Variants in PKIA observed in about 807,000 individuals in gnomAD.
The protein encoded by PKIA is PKI-alpha.
PKIA carries 4 observed loss-of-function variants against 7.6 expected under a neutral mutation model. The ratio of observed to expected loss-of-function variants is 0.52; its 90% CI spans 0.26 to 1.20. PKIA has a LOEUF of 1.20. Ranked by LOEUF, PKIA falls within the 50% of genes most tolerant of loss-of-function variation. PKIA has a pLI of 0.13. For synonymous variants in PKIA, 21 were observed against 30.7 expected (o/e 0.68, Z 1.04); for missense variants, 73 against 86.2 (o/e 0.85, Z 0.61).
intron 1 of PKIA, among the ~76,000 whole-genome samples, chr8:78,549,741 A>T (rs1182038582): frequency 6.6e-6 from 1 of 151,784 alleles, no homozygotes. Context: ...AAAAAAAAAA[A>T]AAGTAAGAAT....
At chr8:78,556,987 G>T (rs1403037025) in intron 1 of PKIA, among the ~76,000 whole-genome samples, 5 of 152,030 alleles carry the variant, frequency 3.3e-5, no homozygotes, top group African/African-American at 1.2e-4. Flanking sequence ...CCTACTAATT[G>T]ACTCTCACTA....
At chr8:78,565,571 GCTCCTAAA>G (rs1807388241) in intron 1 of PKIA, among the ~76,000 whole-genome samples, 1 of 151,884 alleles carries the variant, frequency 6.6e-6, no homozygotes, top group Non-Finnish European at 1.5e-5. Context: ...ATAGTTAGAA[GCTCCTAAA>G]TTATTTATTA....
At chr8:78,561,836 C>G (rs904241092) in intron 1 of PKIA, among the ~76,000 whole-genome samples, 1 of 152,172 alleles carries the variant, frequency 6.6e-6, no homozygotes, top group Non-Finnish European at 1.5e-5. Flanking sequence ...GGATAATGCA[C>G]GTTAAGCATT....
intron 2 of PKIA, among the ~76,000 whole-genome samples, 180 bp downstream of exon 2, chr8:78,573,119 C>T (rs1246202996): frequency 1.3e-5 from 2 of 152,032 alleles, no homozygotes; most frequent in African/African-American, 4.8e-5. Context: ...CATACAATAA[C>T]AGCATGATGC....
chr8:78,597,089 T>G (rs1371868349), intron 2 of PKIA, among the ~76,000 whole-genome samples: 1 of 152,200 alleles, frequency 6.6e-6, no homozygotes. Flanking sequence ...CATAGCCTTG[T>G]AGTATAGCTT....
intron 1 of PKIA, among the ~76,000 whole-genome samples, chr8:78,537,778 T>C (rs952600299): frequency 6.6e-6 from 1 of 152,078 alleles, no homozygotes; most frequent in African/African-American, 2.4e-5. Context: ...CTGCAAATTT[T>C]GGTTGCTAGC....
rs1807249425 is a variant in PKIA, at chr8:78,560,115, A to G, written c.-156-12696A>G. Among the ~76,000 whole-genome samples, 3 of 152,190 alleles carry G rather than the reference A, an allele frequency of 2.0e-5. No individual in the cohort carries two copies. In the South Asian group the frequency reaches 6.2e-4, roughly 32 times the overall value. ...GTACACAAATCATTTCCTGATTGCCACATCTGGAACCCTGATTATATTTGC... is the reference window on the plus strand; with the variant it reads ...GTACACAAATCATTTCCTGATTGCCGCATCTGGAACCCTGATTATATTTGC... On this transcript the variant is annotated intron_variant, in intron 1 of 3. Coordinates refer to ENST00000396418, the MANE Select transcript of PKIA (RefSeq NM_006823.4).
intron 1 of PKIA, among the ~76,000 whole-genome samples, chr8:78,566,711 T>C (rs1299166415): frequency 1.3e-5 from 2 of 152,150 alleles, no homozygotes; most frequent in Non-Finnish European, 2.9e-5. Context: ...TAAAATACTT[T>C]AGCTAAAGTT....
chr8:78,579,655 C>A (rs1276523071), intron 2 of PKIA, among the ~76,000 whole-genome samples: 2 of 151,984 alleles, frequency 1.3e-5, no homozygotes, highest in East Asian at 3.9e-4. Flanking sequence ...TAGCAATGAG[C>A]AAGTTTATTA....
At chr8:78,523,883 AATATTTATACATATTT>A (rs1809464533) in intron 1 of PKIA, among the ~76,000 whole-genome samples, 1 of 143,964 alleles carries the variant, frequency 6.9e-6, no homozygotes, top group Non-Finnish European at 1.5e-5. Context: ...TATTTATATA[AATATTTATACATATTT>A]ATATTTATAC....
intron 1 of PKIA, among the ~76,000 whole-genome samples, chr8:78,570,058 A>G (rs912622347): frequency 2.6e-5 from 4 of 152,174 alleles, no homozygotes; most frequent in Admixed American, 2.6e-4. Flanking sequence ...TAAAAAGCTA[A>G]CATCCATATC....
At chr8:78,564,465 C>T (rs1807359283) in intron 1 of PKIA, among the ~76,000 whole-genome samples, 1 of 151,892 alleles carries the variant, frequency 6.6e-6, no homozygotes, top group South Asian at 2.1e-4. Context: ...AGAAATGGAA[C>T]ATGAGGGTCC....
intron 1 of PKIA, among the ~76,000 whole-genome samples, chr8:78,529,215 C>T (rs1259546141): frequency 6.6e-6 from 1 of 152,044 alleles, no homozygotes; most frequent in African/African-American, 2.4e-5. Context: ...CAACCTTTGA[C>T]AATAAAATAT....
intron 1 of PKIA, among the ~76,000 whole-genome samples, chr8:78,541,026 TAA>T (rs1315736254): frequency 3.3e-5 from 5 of 152,248 alleles, no homozygotes; most frequent in African/African-American, 1.2e-4. Flanking sequence ...TACAAAATTT[TAA>T]AACAGTTGTT....
intron 2 of PKIA, among the ~76,000 whole-genome samples, chr8:78,587,249 C>T (rs1807970123): frequency 6.6e-6 from 1 of 152,104 alleles, no homozygotes; most frequent in Admixed American, 6.6e-5. Flanking sequence ...TGGACTCTTA[C>T]AGAGCCAGTA....
At chr8:78,596,045 T>C (rs999634732) in intron 2 of PKIA, among the ~76,000 whole-genome samples, 2 of 152,112 alleles carry the variant, frequency 1.3e-5, no homozygotes, top group Non-Finnish European at 2.9e-5. Context: ...ATTTTTGACT[T>C]ATTAATAATA....
At chr8:78,546,195 C>T (rs1806817556) in intron 1 of PKIA, among the ~76,000 whole-genome samples, 1 of 152,114 alleles carries the variant, frequency 6.6e-6, no homozygotes, top group Non-Finnish European at 1.5e-5. Context: ...TATTTGGAAA[C>T]TACTTGTAAA....
intron 2 of PKIA, among the ~76,000 whole-genome samples, chr8:78,588,391 C>A (rs375567335): frequency 4.0e-3 from 602 of 152,130 alleles, no homozygotes; most frequent in African/African-American, 0.014. Context: ...GAGGCAGGAG[C>A]ATCACTTCGA....
chr8:78,576,547 T>A (rs1220225191), intron 2 of PKIA, among the ~76,000 whole-genome samples: 1 of 152,010 alleles, frequency 6.6e-6, no homozygotes, highest in Admixed American at 6.6e-5. Context: ...TAACGTTGTA[T>A]CCATTAGCCA....
Sources: allele counts gnomAD v4.1 joint callset (sites outside exome capture counted in the v4.1 genomes callset), GRCh38; gene constraint gnomAD v4.1.1; transcripts MANE v1.5; gene names NCBI Gene and HGNC (gene_info 2026-07-23, HGNC 2026-07-21).